PLXNA4: variants seen among roughly 807,000 people sequenced by gnomAD.
PLXNA4 encodes plexin A4.
In PLXNA4, 44 loss-of-function variants were observed where a neutral mutation model predicts 191.8. The observed-to-expected ratio is 0.23, with a 90% confidence interval of 0.18 to 0.29. PLXNA4 has a LOEUF of 0.29. Ranked by LOEUF, PLXNA4 falls within the 10% of genes least tolerant of loss-of-function variation. PLXNA4 has a pLI of 1.00. For missense variants in PLXNA4, 1,800 were observed against 2,488.8 expected (o/e 0.72, Z 5.89); for synonymous variants, 1,082 against 1,009.5 (o/e 1.07, Z -1.36).
chr7:132,141,865 G>A (rs1331678420), intron 29 of PLXNA4, among the ~76,000 whole-genome samples: 1 of 152,126 alleles, frequency 6.6e-6, no homozygotes, highest in African/African-American at 2.4e-5. Context: ...GAGTAGCTGG[G>A]ACTACAAGCA....
intron 2 of PLXNA4, among the ~76,000 whole-genome samples, chr7:132,506,294 T>C (rs1276169021): frequency 6.6e-6 from 1 of 152,130 alleles, no homozygotes; most frequent in Non-Finnish European, 1.5e-5. Context: ...TGGCACATAG[T>C]TATACTTTAT....
intron 3 of PLXNA4, among the ~76,000 whole-genome samples, chr7:132,405,311 C>A (rs536764387): frequency 2.6e-5 from 4 of 152,086 alleles, no homozygotes; most frequent in African/African-American, 9.7e-5. Context: ...ACTGATGAGG[C>A]AGGACTAGGC....
chr7:132,584,369 C>T lies in PLXNA4; in HGVS notation c.-87+61559G>A, dbSNP rs577860581. Among the ~76,000 whole-genome samples the T allele has an allele frequency of 1.5e-3, 221 of 152,310 alleles. 1 individual carries two copies. Among genetic ancestry groups the T allele is most frequent in the African/African-American group, 5.2e-3 (215 of 41,570 alleles). The stretch of plus-strand genomic sequence containing the variant: ...GGTAAACTGAGCCAAGAGATGCTGA[C>T]GTGACCCATGGGTGTGTAGGAAGCT... On this transcript the variant is annotated intron_variant, in intron 2 of 4. Coordinates refer to the PLXNA4 transcript ENST00000378539.
At chr7:132,523,088 C>A (rs945876330) in intron 1 of PLXNA4, among the ~76,000 whole-genome samples, 2 of 151,924 alleles carry the variant, frequency 1.3e-5, no homozygotes, top group African/African-American at 4.8e-5. Context: ...ACTTATTCAG[C>A]TCCCTAGACT....
At chr7:132,576,963 G>A (rs1447466551), upstream of PLXNA4, 1 of 147,290 alleles carries the variant, frequency 6.8e-6, no homozygotes, top group African/African-American at 2.4e-5. The surrounding 1 kb of genome is among the most constrained non-coding windows in gnomAD (Gnocchi z 5.8). Context: ...GCCTCTCTGG[G>A]TAGCGGCGGC....
chr7:132,642,104 A>C (rs1803755639), intron 2 of PLXNA4, among the ~76,000 whole-genome samples: 1 of 152,190 alleles, frequency 6.6e-6, no homozygotes, highest in Admixed American at 6.5e-5. Flanking sequence ...GTGTGACAGA[A>C]AATGAATTTA....
intron 4 of PLXNA4, among the ~76,000 whole-genome samples, chr7:132,272,265 A>G (rs980642413): frequency 6.6e-6 from 1 of 152,254 alleles, no homozygotes; most frequent in Non-Finnish European, 1.5e-5. Flanking sequence ...CTGCATTTCT[A>G]CAGCCTTAAA....
intron 10 of PLXNA4, among the ~76,000 whole-genome samples, 190 bp from the exon 11 acceptor site, chr7:132,203,609 T>C (rs933271471): frequency 4.6e-5 from 7 of 152,190 alleles, no homozygotes; most frequent in African/African-American, 1.7e-4. Flanking sequence ...GGCAGGGAAG[T>C]GCATATCAGA....
intron 2 of PLXNA4, among the ~76,000 whole-genome samples, chr7:132,633,571 A>C (rs1452622968): frequency 6.6e-6 from 1 of 151,762 alleles, no homozygotes; most frequent in Non-Finnish European, 1.5e-5. Context: ...GTAAGCCACC[A>C]CCCCCCACCA....
chr7:132,143,194 T>C (rs1795319469), intron 29 of PLXNA4, among the ~76,000 whole-genome samples: 1 of 152,158 alleles, frequency 6.6e-6, no homozygotes, highest in Admixed American at 6.5e-5. Flanking sequence ...CAAGTCAATA[T>C]GCAGATCTTA....
intron 1 of PLXNA4, among the ~76,000 whole-genome samples, chr7:132,562,610 T>TCC (rs1801262477): frequency 3.5e-5 from 2 of 56,394 alleles, no homozygotes; most frequent in African/African-American, 7.5e-5. Flanking sequence ...TCCTCCTCCT[T>TCC]CTCCTCCTCT....
Position 132,160,072 on chromosome 7 carries a change from C to A in PLXNA4, c.4501-440G>T, listed in dbSNP as rs555908312. 7.2e-5 allele frequency among the ~76,000 whole-genome samples: 11 copies of A among 152,296 alleles called. No homozygotes were observed. The East Asian group carries it at 7.7e-4, about 11-fold the overall frequency. ...CCTCGCCCACTTCTGAAACCCCCTG[C>A]CCATCCATGTTTGTCTGTCTCCTTC... On this transcript the variant is annotated intron_variant, in intron 24 of 31. Transcript: ENST00000321063.
chr7:132,485,638 A>AT lies in PLXNA4; in HGVS notation c.1371+3653dup, dbSNP rs562906872. 6.6e-5 allele frequency among the ~76,000 whole-genome samples: 10 copies of AT among 152,246 alleles called. No individual in the cohort carries two copies. The East Asian group carries it at 1.9e-3, about 29-fold the overall frequency. ...CAGTCAAGATGGCATTTGCCTTATG[A>AT]TTTTTACCTATAGTGGAAATGTTAA... is the stretch of plus-strand genomic sequence containing the variant. On this transcript the variant is annotated intron_variant, in intron 3 of 31. Coordinates refer to ENST00000321063, the MANE Select transcript of PLXNA4 (RefSeq NM_020911.2).
intron 3 of PLXNA4, among the ~76,000 whole-genome samples, chr7:132,341,660 C>T (rs1012238967): frequency 6.6e-6 from 1 of 152,278 alleles, no homozygotes; most frequent in South Asian, 2.1e-4. Flanking sequence ...GCCCCAGCCC[C>T]CCTAGCCTGC....
At chr7:132,576,517 G>C, upstream of PLXNA4, 1 of 985,962 alleles carries the variant, frequency 1.0e-6, no homozygotes, top group Non-Finnish European at 1.2e-6. The surrounding 1 kb of genome is among the most constrained non-coding windows in gnomAD (Gnocchi z 5.8). Flanking sequence ...CTGAACGTGT[G>C]CGTGTGCGCG....
chr7:132,613,233 G>A (rs1253633625), intron 2 of PLXNA4, among the ~76,000 whole-genome samples: 1 of 151,922 alleles, frequency 6.6e-6, no homozygotes. Flanking sequence ...GGATCTTCTC[G>A]CATCACATTC....
At chr7:132,291,480 G>A (rs575720081) in intron 4 of PLXNA4, among the ~76,000 whole-genome samples, 1 of 152,310 alleles carries the variant, frequency 6.6e-6, no homozygotes, top group African/African-American at 2.4e-5. Context: ...GTTCCCCATG[G>A]AATTCCTGGT....
intron 3 of PLXNA4, among the ~76,000 whole-genome samples, chr7:132,329,499 A>T (rs1178898668): frequency 1.3e-5 from 2 of 152,204 alleles, no homozygotes; most frequent in Non-Finnish European, 2.9e-5. Context: ...GTTGTCACAC[A>T]CTGCCTGTGC....
At chr7:132,459,138 A>G (rs998198061) in intron 3 of PLXNA4, among the ~76,000 whole-genome samples, 2 of 152,164 alleles carry the variant, frequency 1.3e-5, no homozygotes, top group Admixed American at 6.5e-5. Flanking sequence ...TCCTCCTGCC[A>G]CCCAGCCGTG....
Sources: gnomAD v4.1 joint callset for allele counts (sites outside exome capture counted in the v4.1 genomes callset) on GRCh38, gnomAD v4.1.1 for gene constraint, Gnocchi (gnomAD v3.1) non-coding constraint, MANE v1.5 for transcripts, NCBI Gene and HGNC (gene_info 2026-07-23, HGNC 2026-07-21) for gene names.